NFIA: variants seen among roughly 807,000 people sequenced by gnomAD.
NFIA encodes the protein nuclear factor I A.
NFIA carries 8 observed loss-of-function variants against 62.8 expected under a neutral mutation model. That is an observed-to-expected ratio of 0.13 (90% CI 0.07 to 0.23). The LOEUF is 0.23. Ranked by LOEUF, NFIA falls within the 10% of genes least tolerant of loss-of-function variation. NFIA has a pLI of 1.00. For missense variants in NFIA, 410 were observed against 642.1 expected (o/e 0.64, Z 3.91); for synonymous variants, 235 against 238.1 (o/e 0.99, Z 0.12).
At chr1:61,353,131 A>G (rs1211690228) in intron 5 of NFIA, among the ~76,000 whole-genome samples, 10 of 152,112 alleles carry the variant, frequency 6.6e-5, no homozygotes, top group Admixed American at 4.6e-4. Context: ...TTTCCCACCG[A>G]GCCCCCAAAG....
intron 3 of NFIA, among the ~76,000 whole-genome samples, chr1:61,322,821 C>T (rs1277616145): frequency 6.6e-6 from 1 of 152,078 alleles, no homozygotes; most frequent in Non-Finnish European, 1.5e-5. Context: ...GACATAAGTC[C>T]CCAAGAGTAA....
At chr1:61,451,193 G>A (rs1370923547) in intron 10 of NFIA, among the ~76,000 whole-genome samples, 1 of 152,206 alleles carries the variant, frequency 6.6e-6, no homozygotes, top group Admixed American at 6.5e-5. Flanking sequence ...CCTGACTACT[G>A]TGAGTATTCC....
rs553236834 is a variant in NFIA at position 61,426,230 on chromosome 1, C to T, written c.1421-235C>T. 5.3e-5 allele frequency among the ~76,000 whole-genome samples: 8 copies of T among 152,268 alleles called. No homozygotes were observed. In the East Asian group the frequency reaches 9.6e-4, roughly 18 times the overall value. On this transcript the variant is annotated intron_variant, in intron 9 of 10. Coordinates refer to ENST00000403491, the MANE Select transcript of NFIA (RefSeq NM_001134673.4). Reference sequence around the variant, plus strand: ...TGTATGGTAGAAGGAGAAAATAGCTCGTCTGAGCATTAGTTTGACATCATT... The same window carrying T: ...TGTATGGTAGAAGGAGAAAATAGCTTGTCTGAGCATTAGTTTGACATCATT...
rs2147963249 is a variant in NFIA, at chr1:61,461,713, G to A, written c.*6393G>A. On this transcript the variant is annotated 3_prime_UTR_variant, in exon 11 of 11. Coordinates refer to ENST00000403491, the MANE Select transcript of NFIA (RefSeq NM_001134673.4). ...TACATGTAGATGCATTCGCCTATTT[G>A]ATTCAGAAAAATAAACTTTCCCAAA... The A allele has an allele frequency of 6.6e-6, 1 of 152,266 alleles. No homozygotes were observed. The highest frequency in any genetic ancestry group is 1.5e-5 in the Non-Finnish European group (1 of 68,032). The allele number at this position is 152,266 out of a possible 1,614,324, so 9.4% of individuals were successfully genotyped here. A position where few individuals can be genotyped will look rare whatever the true frequency, so the allele number is the denominator to read the frequency against.
At position 61,142,800 on chromosome 1, in the gene NFIA, A is replaced by C. The variant is rs1647630834; in HGVS notation, c.559+54120A>C. Reference sequence around the variant, plus strand: ...GGTAAGGAGACAGGAAGACACAGACACAGGCTCTTAGGGCACATGGAAAGC... The same window carrying C: ...GGTAAGGAGACAGGAAGACACAGACCCAGGCTCTTAGGGCACATGGAAAGC... On this transcript the variant is annotated intron_variant, in intron 2 of 10. Coordinates refer to ENST00000403491, the MANE Select transcript of NFIA (RefSeq NM_001134673.4). Among the ~76,000 whole-genome samples, 4 of 152,208 alleles carry C rather than the reference A, an allele frequency of 2.6e-5. No individual in the cohort carries two copies. In the South Asian group the frequency reaches 8.3e-4, roughly 32 times the overall value.
intron 10 of NFIA, among the ~76,000 whole-genome samples, chr1:61,454,177 T>C (rs1470599593): frequency 1.3e-5 from 2 of 152,246 alleles, no homozygotes; most frequent in Admixed American, 6.5e-5. Context: ...ACTTAAAGAA[T>C]TCAGAAGCAT....
At chr1:61,401,646 A>G (rs1396563229) in intron 7 of NFIA, among the ~76,000 whole-genome samples, 1 of 152,176 alleles carries the variant, frequency 6.6e-6, no homozygotes, top group Admixed American at 6.5e-5. Context: ...AGGCAGCGGC[A>G]CTTTATCTTC....
chr1:61,134,646 C>T (rs1159759629), intron 2 of NFIA, among the ~76,000 whole-genome samples: 1 of 152,148 alleles, frequency 6.6e-6, no homozygotes, highest in Non-Finnish European at 1.5e-5. Flanking sequence ...GATTGATAAT[C>T]ATGCATTTTA....
chr1:61,335,222 G>A (rs563997368), intron 4 of NFIA, among the ~76,000 whole-genome samples: 47 of 152,270 alleles, frequency 3.1e-4, no homozygotes, highest in Admixed American at 5.2e-4. Context: ...GTGTCAGCTC[G>A]ATCATGGCTT....
intron 10 of NFIA, chr1:61,439,308 A>G (rs1335152967): frequency 6.6e-6 from 1 of 152,280 alleles, no homozygotes; most frequent in African/African-American, 2.4e-5. Flanking sequence ...GAGAACGTGT[A>G]CACATGAAAA....
intron 2 of NFIA, among the ~76,000 whole-genome samples, chr1:61,187,700 T>G (rs1651296446): frequency 6.6e-6 from 1 of 152,238 alleles, no homozygotes; most frequent in Admixed American, 6.5e-5. Context: ...CTTTAAGTCT[T>G]GTTTCTGTGG....
intron 10 of NFIA, among the ~76,000 whole-genome samples, chr1:61,453,442 A>AGTTTTTTTTTTTTTTTTTTTTTTTT (rs1557451690): frequency 7.5e-6 from 1 of 132,468 alleles, no homozygotes; most frequent in African/African-American, 2.8e-5. Context: ...GTGTGAAGAA[A>AGTTTTTTTTTTTTTTTTTTTTTTTT]CTTTTTTTTT....
chr1:61,363,721 GATT>G (rs1440947724), intron 6 of NFIA, among the ~76,000 whole-genome samples: 1 of 151,940 alleles, frequency 6.6e-6, no homozygotes, highest in Admixed American at 6.6e-5. Flanking sequence ...AAGAAATATA[GATT>G]ATTAAATATA....
rs563931072 is a variant in NFIA, at chr1:61,312,585, T to C, written c.626-19927T>C. Among the ~76,000 whole-genome samples, 7 of 152,178 alleles carry C rather than the reference T, an allele frequency of 4.6e-5. No homozygotes were observed. In the South Asian group the frequency reaches 1.2e-3, roughly 27 times the overall value. On this transcript the variant is annotated intron_variant, in intron 3 of 10. Transcript: ENST00000403491. ...TGGAGTGAAGTGGCACGATCATGGC[T>C]CACTGCAGCCTCAACTTCCCAGGCT...
chr1:61,337,568 G>A (rs1448663361), intron 4 of NFIA, among the ~76,000 whole-genome samples: 1 of 152,128 alleles, frequency 6.6e-6, no homozygotes, highest in Non-Finnish European at 1.5e-5. Flanking sequence ...TTGGGGAAGG[G>A]GGTTTTACAA....
At chr1:61,150,534 CTGAG>C (rs1479035645) in intron 2 of NFIA, among the ~76,000 whole-genome samples, 2 of 152,176 alleles carry the variant, frequency 1.3e-5, no homozygotes, top group Admixed American at 1.3e-4. Context: ...TAAATATATA[CTGAG>C]AAGGTATTTT....
chr1:61,444,175 G>T (rs1168001466), intron 10 of NFIA, among the ~76,000 whole-genome samples: 1 of 152,226 alleles, frequency 6.6e-6, no homozygotes, highest in Non-Finnish European at 1.5e-5. Flanking sequence ...TCATTGCACA[G>T]AAATTTTAAG....
At position 61,281,527 on chromosome 1, in the gene NFIA, A is replaced by G. The variant is rs1160078215; in HGVS notation, c.625+3942A>G. 3.3e-5 allele frequency among the ~76,000 whole-genome samples: 5 copies of G among 152,268 alleles called. No individual in the cohort carries two copies. The East Asian group carries it at 7.7e-4, about 24-fold the overall frequency. ...CTTACCCTGCTCTGAAATGTCAGAC[A>G]TGGGTTTCCCAAATCCCCACAATCC... On this transcript the variant is annotated intron_variant, in intron 3 of 10. Transcript: ENST00000403491.
intron 2 of NFIA, among the ~76,000 whole-genome samples, chr1:61,155,212 G>A (rs967681339): frequency 3.9e-5 from 6 of 152,118 alleles, no homozygotes; most frequent in Admixed American, 6.5e-5. Flanking sequence ...ATTTCTGAGC[G>A]TTGAGGTTTT....
Sources: gnomAD v4.1 joint callset for allele counts (sites outside exome capture counted in the v4.1 genomes callset) on GRCh38, gnomAD v4.1.1 for gene constraint, MANE v1.5 for transcripts, NCBI Gene and HGNC (gene_info 2026-07-23, HGNC 2026-07-21) for gene names.